Variants in PSMF1 observed in about 807,000 individuals in gnomAD.
The protein encoded by PSMF1 is proteasome inhibitor PI31 subunit.
A neutral mutation model predicts 29.3 loss-of-function variants in PSMF1; 30 were observed. That is an observed-to-expected ratio of 1.02 (90% CI 0.77 to 1.39). The LOEUF is 1.39. Among genes scored for constraint, PSMF1 ranks in the 40% most tolerant of loss-of-function variants. The pLI is 0.00. For missense variants in PSMF1, 344 were observed against 357.5 expected (o/e 0.96, Z 0.31); for synonymous variants, 134 against 139.7 (o/e 0.96, Z 0.29).
At chr20:1,127,382 C>G (rs755681091) in intron 2 of PSMF1, 44 bp from the exon 3 acceptor site, 2 of 1,459,836 alleles carry the variant, frequency 1.4e-6, no homozygotes, top group Non-Finnish European at 1.9e-6. Flanking sequence ...CCACTCTTAG[C>G]CAGAAATATC....
chr20:1,151,133 G>C (rs928175689), intron 4 of PSMF1, among the ~76,000 whole-genome samples: 8 of 152,038 alleles, frequency 5.3e-5, no homozygotes, highest in African/African-American at 1.9e-4. Flanking sequence ...TATCCCTTTG[G>C]TTTTTTCCTG....
At chr20:1,133,555 G>GTGTGTATATATATATATATATATA (rs60728448) in intron 3 of PSMF1, among the ~76,000 whole-genome samples, 145 of 53,756 alleles carry the variant, frequency 2.7e-3, no homozygotes, top group African/African-American at 3.6e-3. Context: ...CTATATATGT[G>GTGTGTATATATATATATATATATA]TATATATATA....
intron 1 of PSMF1, among the ~76,000 whole-genome samples, chr20:1,121,813 A>C (rs1673849874): frequency 6.6e-6 from 1 of 152,202 alleles, no homozygotes; most frequent in African/African-American, 2.4e-5. Flanking sequence ...ACAAAAATCC[A>C]ATACTTGAAT....
At chr20:1,142,841 G>C (rs374629437) in intron 4 of PSMF1, among the ~76,000 whole-genome samples, 7 of 152,100 alleles carry the variant, frequency 4.6e-5, no homozygotes, top group African/African-American at 1.7e-4. Flanking sequence ...CTGAGGAATC[G>C]CCACACTGAC....
At chr20:1,143,947 G>T (rs887259643) in intron 4 of PSMF1, among the ~76,000 whole-genome samples, 2 of 152,100 alleles carry the variant, frequency 1.3e-5, no homozygotes, top group African/African-American at 4.8e-5. Context: ...AAAATTAGCG[G>T]GTGTGGTGGT....
chr20:1,139,175 A>G (rs757577448), intron 4 of PSMF1, among the ~76,000 whole-genome samples: 1 of 152,188 alleles, frequency 6.6e-6, no homozygotes, highest in Non-Finnish European at 1.5e-5. Context: ...TGTGTCAGAA[A>G]ACACACATAC....
intron 4 of PSMF1, among the ~76,000 whole-genome samples, chr20:1,145,690 T>A (rs2086440904): frequency 6.6e-6 from 1 of 152,184 alleles, no homozygotes; most frequent in Non-Finnish European, 1.5e-5. Context: ...GATGTGGGCC[T>A]CAGTTCAGTG....
intron 3 of PSMF1, among the ~76,000 whole-genome samples, chr20:1,134,201 C>T (rs1200028170): frequency 6.6e-6 from 1 of 151,978 alleles, no homozygotes; most frequent in Non-Finnish European, 1.5e-5. Flanking sequence ...ATTCCTTCCT[C>T]TATTTTGATG....
intron 3 of PSMF1, among the ~76,000 whole-genome samples, chr20:1,132,582 C>A (rs1356411897): frequency 6.6e-6 from 1 of 152,058 alleles, no homozygotes; most frequent in African/African-American, 2.4e-5. Context: ...GCCTCTGTGC[C>A]TTTTCATATA....
rs779923515 is a variant in PSMF1 at position 1,125,507 on chromosome 20, A to G, written c.139A>G (p.Asn47Asp). 6.2e-7 allele frequency: 1 copy of G among 1,608,250 alleles called. No individual in the cohort carries two copies. ...GLGVGDQPGP[N>D]DKKSELLPAG... The stretch of plus-strand genomic sequence containing the variant: ...ACTGTGGTCTTCCCAGCCGGGTCCC[A>G]ATGATAAGAAGTCAGAACTGCTGCC... Residue 47 changes from asparagine to aspartate, a missense_variant, in exon 2 of 7, where the codon AAT becomes GAT. By Grantham distance (23) the Asn-to-Asp change is conservative (BLOSUM62 1). Coordinates refer to ENST00000335877, the MANE Select transcript of PSMF1 (RefSeq NM_006814.5).
chr20:1,155,739 A>G (rs2086587072), intron 4 of PSMF1, among the ~76,000 whole-genome samples: 1 of 152,294 alleles, frequency 6.6e-6, no homozygotes, highest in South Asian at 2.1e-4. Context: ...CATGGTGGAG[A>G]CCTTAGTAGC....
chr20:1,113,999 G>A (rs1010520549), upstream of PSMF1, among the ~76,000 whole-genome samples: 5 of 152,232 alleles, frequency 3.3e-5, no homozygotes, highest in Admixed American at 6.5e-5. Context: ...CCTGGGTTAC[G>A]GACTTTCTAA....
At chr20:1,138,642 A>G (rs981764808) in intron 4 of PSMF1, among the ~76,000 whole-genome samples, 1 of 152,126 alleles carries the variant, frequency 6.6e-6, no homozygotes, top group Non-Finnish European at 1.5e-5. Flanking sequence ...TGGGAAATAT[A>G]GTGAGACCCT....
rs2086695554 is a variant in PSMF1 at position 1,163,752 on chromosome 20, T to C, written c.606-566T>C. ...CCTCAAAATTTGGGGAACCATCAGC[T>C]CATTCATCCTAGTTTGAGCACATGA... is the stretch of plus-strand genomic sequence containing the variant. On this transcript the variant is annotated intron_variant, in intron 5 of 6. Coordinates refer to ENST00000335877, the MANE Select transcript of PSMF1 (RefSeq NM_006814.5). The surrounding 1 kb of genome is among the most constrained non-coding windows in gnomAD (Gnocchi z 6.1). 6.6e-6 allele frequency among the ~76,000 whole-genome samples: 1 copy of C among 152,166 alleles called. No homozygotes were observed. The highest frequency in any genetic ancestry group is 2.4e-5 in the African/African-American group (1 of 41,434).
upstream of PSMF1, among the ~76,000 whole-genome samples, chr20:1,113,793 C>T (rs573451785): frequency 6.5e-4 from 99 of 152,176 alleles, no homozygotes; most frequent in African/African-American, 2.2e-3. Context: ...CTCGGGTTCA[C>T]GCCATTCTCC....
intron 4 of PSMF1, chr20:1,161,585 G>A (rs893201973): frequency 1.1e-4 from 68 of 640,838 alleles, no homozygotes; most frequent in African/African-American, 1.0e-3. Context: ...CAAGTACTCC[G>A]TGTGGATCAG....
At chr20:1,124,510 A>G (rs1555757599) in intron 1 of PSMF1, among the ~76,000 whole-genome samples, 1 of 151,896 alleles carries the variant, frequency 6.6e-6, no homozygotes. Context: ...ACTTGACTTT[A>G]TCTTATAAAT....
rs1032582329 is a variant in PSMF1 at position 1,166,317 on chromosome 20, G to A, written c.*1237G>A. 3.3e-6 allele frequency: 5 copies of A among 1,528,690 alleles called. No homozygotes were observed. Among genetic ancestry groups the A allele is most frequent in the Non-Finnish European group, 4.5e-6 (5 of 1,108,492 alleles). The allele number at this position is 1,528,690 out of a possible 1,614,324, so 94.7% of individuals were successfully genotyped here. ...ACCAGGCTAAGAGGCACGAGATCAA[G>A]GCGGTAGTCACTTCCGCTCTGCAGC... On this transcript the variant is annotated 3_prime_UTR_variant, in exon 7 of 7. Coordinates refer to ENST00000335877, the MANE Select transcript of PSMF1 (RefSeq NM_006814.5).
chr20:1,119,910 C>T (rs1199435191), intron 1 of PSMF1, among the ~76,000 whole-genome samples: 1 of 152,144 alleles, frequency 6.6e-6, no homozygotes, highest in Non-Finnish European at 1.5e-5. Flanking sequence ...CATGAGATTT[C>T]ACCCTTCCTC....
Sources: allele counts gnomAD v4.1 joint callset (sites outside exome capture counted in the v4.1 genomes callset), GRCh38; gene constraint gnomAD v4.1.1; non-coding constraint Gnocchi (gnomAD v3.1); transcripts MANE v1.5; gene names NCBI Gene and HGNC (gene_info 2026-07-23, HGNC 2026-07-21).